Variants in LYPD6 observed in about 807,000 individuals in gnomAD.
LYPD6 encodes ly6/PLAUR domain-containing protein 6.
A neutral mutation model predicts 22.7 loss-of-function variants in LYPD6; 15 were observed. The observed-to-expected ratio is 0.66, with a 90% confidence interval of 0.44 to 1.02. The LOEUF (loss-of-function observed/expected upper bound fraction) is 1.02. Ranked by LOEUF, LYPD6 falls within the 50% of genes least tolerant of loss-of-function variation. The pLI is 0.00. For missense variants in LYPD6, 189 were observed against 208.4 expected (o/e 0.91, Z 0.57); for synonymous variants, 72 against 77.5 (o/e 0.93, Z 0.37).
intron 1 of LYPD6, among the ~76,000 whole-genome samples, chr2:149,346,552 A>G (rs1681260068): frequency 6.6e-6 from 1 of 152,208 alleles, no homozygotes; most frequent in South Asian, 2.1e-4. Flanking sequence ...CCTTCAAGTC[A>G]TCTTGTGTGA....
chr2:149,398,944 A>G (rs1048770027), intron 1 of LYPD6, among the ~76,000 whole-genome samples: 1 of 152,212 alleles, frequency 6.6e-6, no homozygotes, highest in Non-Finnish European at 1.5e-5. Context: ...AGAAATTGCT[A>G]AGAGATTACC....
chr2:149,437,523 C>T, intron 1 of LYPD6, 115 bp from the exon 2 acceptor site: 1 of 762,566 alleles, frequency 1.3e-6, no homozygotes, highest in East Asian at 2.7e-5. Flanking sequence ...CCATGTCTAC[C>T]CACTTCCTTG....
At chr2:149,374,243 T>C (rs1415418030) in intron 1 of LYPD6, among the ~76,000 whole-genome samples, 1 of 152,154 alleles carries the variant, frequency 6.6e-6, no homozygotes, top group Non-Finnish European at 1.5e-5. Context: ...CTAAAATACA[T>C]AGACTGAGAA....
In LYPD6 at chr2:149,473,875, A is replaced by G. The variant is rs1043839401; in HGVS notation, c.*3025A>G. ...TACCAGACTTTTCAATAAGGTCTAC[A>G]GCTTCCCAAGAGCATGTCTTTGTTA... is the stretch of plus-strand genomic sequence containing the variant. On this transcript the variant is annotated 3_prime_UTR_variant, in exon 5 of 5. Transcript: ENST00000334166. 2 of 152,264 alleles carry G rather than the reference A, an allele frequency of 1.3e-5. No individual in the cohort carries two copies. The highest frequency in any genetic ancestry group is 4.8e-5 in the African/African-American group (2 of 41,468). The allele number at this position is 152,264 out of a possible 1,614,324, so 9.4% of individuals were successfully genotyped here.
chr2:149,404,495 G>A (rs990583606), intron 1 of LYPD6, among the ~76,000 whole-genome samples: 21 of 152,180 alleles, frequency 1.4e-4, no homozygotes, highest in African/African-American at 2.4e-4. Context: ...CTTTGAAGCA[G>A]TTGTGAATGG....
intron 1 of LYPD6, among the ~76,000 whole-genome samples, chr2:149,410,646 G>A (rs548137234): frequency 1.6e-4 from 24 of 152,202 alleles, no homozygotes; most frequent in South Asian, 8.3e-4. Context: ...GTCTAAAGTC[G>A]TTGATTCCTG....
the LYPD6 span, among the ~76,000 whole-genome samples, chr2:149,485,146 G>C: frequency 5.9e-5 from 9 of 152,262 alleles, no homozygotes; most frequent in Non-Finnish European, 4.4e-5. Context: ...TCATAGTTAA[G>C]GGCCAGAGAG....
At chr2:149,330,183 A>G (rs1388301067), upstream of LYPD6, 1 of 152,062 alleles carries the variant, frequency 6.6e-6, no homozygotes, top group Non-Finnish European at 1.5e-5. Flanking sequence ...GAGAGGCGCC[A>G]GGGGGTCGCG....
chr2:149,385,302 G>A (rs923983119), intron 1 of LYPD6, among the ~76,000 whole-genome samples: 2 of 152,082 alleles, frequency 1.3e-5, no homozygotes, highest in Non-Finnish European at 2.9e-5. Flanking sequence ...TTAACATGTG[G>A]CATTCAGAGC....
chr2:149,406,753 G>A (rs1682720370), intron 1 of LYPD6, among the ~76,000 whole-genome samples: 1 of 151,690 alleles, frequency 6.6e-6, no homozygotes, highest in African/African-American at 2.4e-5. Context: ...ATATTGTTAT[G>A]TGTGAATTTG....
chr2:149,337,841 C>T (rs114644703), intron 1 of LYPD6, among the ~76,000 whole-genome samples: 1,545 of 152,152 alleles, frequency 0.01, 12 homozygotes, highest in Middle Eastern at 0.051. Context: ...TTTGTGTCCA[C>T]GTGTTCTCAA....
Position 149,343,378 on chromosome 2 carries a change from A to C in LYPD6, c.-72+12656A>C, listed in dbSNP as rs150901115. On this transcript the variant is annotated intron_variant, in intron 1 of 4. Coordinates refer to ENST00000334166, the MANE Select transcript of LYPD6 (RefSeq NM_194317.5). Reference sequence around the variant, plus strand: ...TATCTGATTCCTGTCCTATCAGAGAAATCCCTAAAATGAACAAATTTGAGG... The same window carrying C: ...TATCTGATTCCTGTCCTATCAGAGACATCCCTAAAATGAACAAATTTGAGG... Among the ~76,000 whole-genome samples the C allele has an allele frequency of 3.0e-3, 464 of 152,336 alleles. 1 individual carries two copies. Among genetic ancestry groups the C allele is most frequent in the Non-Finnish European group, 5.8e-3 (392 of 68,020 alleles).
intron 3 of LYPD6, among the ~76,000 whole-genome samples, chr2:149,459,143 G>A (rs572691825): frequency 9.6e-4 from 146 of 152,218 alleles, no homozygotes; most frequent in South Asian, 5.4e-3. Context: ...AAAACAAAAC[G>A]TCTTGAAATA....
intron 1 of LYPD6, among the ~76,000 whole-genome samples, chr2:149,424,121 ATG>A (rs775824537): frequency 1.4e-3 from 115 of 81,924 alleles, no homozygotes; most frequent in South Asian, 4.6e-3. Context: ...ATGCGTACAC[ATG>A]TCAATATGCA....
At chr2:149,389,607 C>A (rs1573763968) in intron 1 of LYPD6, among the ~76,000 whole-genome samples, 1 of 152,298 alleles carries the variant, frequency 6.6e-6, no homozygotes, top group African/African-American at 2.4e-5. Context: ...ATGCCTGCAT[C>A]TGAATAGCAT....
chr2:149,477,292 T>G (rs1483318862), downstream of LYPD6, among the ~76,000 whole-genome samples: 4 of 152,066 alleles, frequency 2.6e-5, no homozygotes, highest in African/African-American at 9.7e-5. Flanking sequence ...AGACCTCCCA[T>G]GAATGCCCTT....
intron 1 of LYPD6, 47 bp from the exon 2 acceptor site, chr2:149,437,591 G>A: frequency 1.3e-6 from 2 of 1,527,826 alleles, no homozygotes; most frequent in Non-Finnish European, 1.8e-6. Flanking sequence ...AGCCTCCTGT[G>A]GCTTTCTCCA....
At chr2:149,379,978 C>T (rs150909501) in intron 1 of LYPD6, among the ~76,000 whole-genome samples, 2,945 of 152,196 alleles carry the variant, frequency 0.019, 51 homozygotes, top group South Asian at 0.031. Flanking sequence ...AGCAGAGGAA[C>T]GGGAAGGATT....
At chr2:149,431,572 GTAAACAGTCGGTGATATGAA>G (rs1683312778) in intron 1 of LYPD6, among the ~76,000 whole-genome samples, 1 of 152,210 alleles carries the variant, frequency 6.6e-6, no homozygotes. Flanking sequence ...CTGCAGGAAT[GTAAACAGTCGGTGATATGAA>G]TAAACAGTCC....
Sources: allele counts gnomAD v4.1 joint callset (sites outside exome capture counted in the v4.1 genomes callset), GRCh38; gene constraint gnomAD v4.1.1; transcripts MANE v1.5; gene names NCBI Gene and HGNC (gene_info 2026-07-23, HGNC 2026-07-21).